ZNF831: variants seen among roughly 807,000 people sequenced by gnomAD.
ZNF831 encodes zinc finger protein 831, also known as chromosome 20 open reading frame 174.
A neutral mutation model predicts 95.8 loss-of-function variants in ZNF831; 59 were observed. That is an observed-to-expected ratio of 0.62 (90% CI 0.50 to 0.77). The LOEUF is 0.77. Among genes scored for constraint, ZNF831 ranks in the 30% least tolerant of loss-of-function variants. The pLI is 0.00. For missense variants in ZNF831, 2,205 were observed against 2,164.0 expected (o/e 1.02, Z -0.38); for synonymous variants, 961 against 925.5 (o/e 1.04, Z -0.70).
chr20:59,171,170 G>T (rs993681375), intron 1 of ZNF831, among the ~76,000 whole-genome samples: 1 of 152,186 alleles, frequency 6.6e-6, no homozygotes, highest in Non-Finnish European at 1.5e-5. Context: ...GAACTCCATG[G>T]CATGTCCTCA....
chr20:59,164,821 G>A (rs963210675), intron 1 of ZNF831, among the ~76,000 whole-genome samples: 2 of 152,168 alleles, frequency 1.3e-5, no homozygotes, highest in African/African-American at 4.8e-5. Context: ...AGCCATGGAA[G>A]CCATGCTCTG....
intron 4 of ZNF831, among the ~76,000 whole-genome samples, chr20:59,213,074 G>T (rs1207066960): frequency 1.3e-5 from 2 of 152,202 alleles, no homozygotes; most frequent in African/African-American, 4.8e-5. Context: ...AGGCTTAAGA[G>T]AAGTCTTTGG....
rs769023043 is a variant in ZNF831 at position 59,193,883 on chromosome 20, C to G, written c.2864C>G (p.Pro955Arg). 1.2e-6 allele frequency: 2 copies of G among 1,609,644 alleles called. No homozygotes were observed. Among genetic ancestry groups the G allele is most frequent in the Non-Finnish European group, 1.7e-6 (2 of 1,177,904 alleles). The change falls in exon 2 of 6, where the codon CCC (proline) becomes CGC (arginine). Residue 955 changes from proline (P) to arginine (R), a missense_variant. Pro to Arg is a moderately radical substitution (Grantham distance 103). Coordinates refer to ENST00000371030, the MANE Select transcript of ZNF831 (RefSeq NM_178457.3). ...CAGGCAGAGACCCCCTTACCACTGC[C>G]CATTCCCTGGGGACCAAGGCACAGC... ...LPQAETPLPL[P>R]IPWGPRHSQD...
Position 59,192,006 on chromosome 20 carries a change from C to G in ZNF831, c.987C>G (p.Ala329=), listed in dbSNP as rs1436149568. 1 of 1,608,554 alleles carries G rather than the reference C, an allele frequency of 6.2e-7. No homozygotes were observed. The highest frequency in any genetic ancestry group is 1.1e-5 in the South Asian group (1 of 90,904). ...QATAAEKPWD[A]KAPEGRLRKC... ...CGGCAGCGGAGAAGCCCTGGGATGC[C>G]AAGGCCCCCGAGGGCCGGCTGCGGA... Residue 329 remains alanine (A), a synonymous_variant, in exon 2 of 6, where the codon GCC becomes GCG. Coordinates refer to ENST00000371030, the MANE Select transcript of ZNF831 (RefSeq NM_178457.3). This position sits in a 1 kb window ranked among gnomAD's most constrained non-coding sequence, Gnocchi z 5.2.
intron 2 of ZNF831, among the ~76,000 whole-genome samples, chr20:59,155,921 T>C (rs971411452): frequency 2.6e-5 from 4 of 151,986 alleles, no homozygotes; most frequent in African/African-American, 9.7e-5. Context: ...AGGTACATGA[T>C]GAGTTGTGTG....
chr20:59,241,627 T>A (rs927000122), intron 4 of ZNF831, among the ~76,000 whole-genome samples: 4 of 152,218 alleles, frequency 2.6e-5, no homozygotes, highest in Non-Finnish European at 5.9e-5. Flanking sequence ...TTTCTGTATG[T>A]GAAAGTTTTT....
Position 59,215,368 on chromosome 20 carries a change from C to T in ZNF831, c.4027+8312C>T, listed in dbSNP as rs768954624. ...TGATTGAGGGAGATGTTTTATTGAA[C>T]GATAAGAACTACATTGAGTTTATGG... On this transcript the variant is annotated intron_variant, in intron 4 of 5. Transcript: ENST00000371030. Among the ~76,000 whole-genome samples, 23 of 152,272 alleles carry T rather than the reference C, an allele frequency of 1.5e-4. No individual in the cohort carries two copies. In the East Asian group the frequency reaches 2.3e-3, roughly 15 times the overall value.
chr20:59,249,422 C>A (rs1034502437), intron 4 of ZNF831, among the ~76,000 whole-genome samples: 7 of 152,176 alleles, frequency 4.6e-5, no homozygotes, highest in African/African-American at 1.7e-4. Context: ...GACCCCATCA[C>A]AATAGGCGTC....
chr20:59,199,186 T>C (rs1984357164), intron 3 of ZNF831, among the ~76,000 whole-genome samples: 1 of 151,876 alleles, frequency 6.6e-6, no homozygotes. Context: ...TCTTGATTCA[T>C]TTTCCCACTT....
intron 2 of ZNF831, among the ~76,000 whole-genome samples, chr20:59,155,933 T>C (rs1185179728): frequency 6.6e-6 from 1 of 151,228 alleles, no homozygotes; most frequent in Non-Finnish European, 1.5e-5. Flanking sequence ...AGTTGTGTGC[T>C]CCCCCTCATG....
At chr20:59,221,283 G>A (rs1284901477) in intron 4 of ZNF831, among the ~76,000 whole-genome samples, 3 of 152,194 alleles carry the variant, frequency 2.0e-5, no homozygotes, top group African/African-American at 7.2e-5. Context: ...CTGGGCCCTT[G>A]AGTTTGTGCT....
rs2146592324 is a variant in ZNF831, at chr20:59,193,979, C to G, written c.2960C>G (p.Pro987Arg). 6.5e-7 allele frequency: 1 copy of G among 1,537,426 alleles called. No homozygotes were observed. The highest frequency in any genetic ancestry group is 2.3e-5 in the East Asian group (1 of 44,256). Residue 987 changes from proline to arginine, a missense_variant, in exon 2 of 6, where the codon CCT becomes CGT. Transcript: ENST00000371030. Reference protein sequence around the residue: ...ASFVGSGLGTPLSPSPASGPS... With the variant: ...ASFVGSGLGTRLSPSPASGPS... The stretch of plus-strand genomic sequence containing the variant: ...TTTGTTGGGTCAGGACTGGGGACCC[C>G]TCTTTCTCCCAGCCCAGCCTCAGGC...
At chr20:59,220,066 A>G (rs773111584) in intron 4 of ZNF831, among the ~76,000 whole-genome samples, 11 of 152,204 alleles carry the variant, frequency 7.2e-5, no homozygotes, top group Non-Finnish European at 1.2e-4. Context: ...CACACCTGAA[A>G]TGGGGACGGT....
At position 59,258,534 on chromosome 20, in the gene ZNF831, A is replaced by G. The variant is rs750308582; in HGVS notation, c.*3791A>G. Reference sequence around the variant, plus strand: ...CATTATCGGAATGTGCTGCTGCTCAACTCCCCAGACATAATTTAATATGGT... The same window carrying G: ...CATTATCGGAATGTGCTGCTGCTCAGCTCCCCAGACATAATTTAATATGGT... On this transcript the variant is annotated 3_prime_UTR_variant, in exon 6 of 6. Coordinates refer to ENST00000371030, the MANE Select transcript of ZNF831 (RefSeq NM_178457.3). 1 of 152,610 alleles carries G rather than the reference A, an allele frequency of 6.6e-6. No homozygotes were observed. Among genetic ancestry groups the G allele is most frequent in the South Asian group, 2.1e-4 (1 of 4,810 alleles). The allele number at this position is 152,610 out of a possible 1,614,324, so 9.5% of individuals were successfully genotyped here. A position where few individuals can be genotyped will look rare whatever the true frequency, so the allele number is the denominator to read the frequency against.
rs763896688 is a variant in ZNF831 at position 59,253,930 on chromosome 20, CTG to C, written c.4223_4224del (p.Cys1408TyrfsTer16). ...ISPSAGEHGD[C>X]TTHSTAATSG... ...CTCCATCTGCTGGTGAGCATGGTGA[CTG>C]TACTACTCACAGCACTGCTGCCACA... is the stretch of plus-strand genomic sequence containing the variant. On this transcript the variant is annotated frameshift_variant, in exon 6 of 6. Transcript: ENST00000371030. LOFTEE classifies it low-confidence loss of function (END_TRUNC). 1 of 1,461,082 alleles carries C rather than the reference CTG, an allele frequency of 6.8e-7. No homozygotes were observed. Among genetic ancestry groups the C allele is most frequent in the Non-Finnish European group, 9.1e-7 (1 of 1,096,872 alleles). The allele number at this position is 1,461,082 out of a possible 1,614,324, so 90.5% of individuals were successfully genotyped here.
At chr20:59,250,878 A>C (rs920995794) in intron 4 of ZNF831, among the ~76,000 whole-genome samples, 19 of 152,324 alleles carry the variant, frequency 1.2e-4, no homozygotes, top group African/African-American at 4.6e-4. Context: ...GAAAAATAGA[A>C]GATTATACTA....
intron 4 of ZNF831, among the ~76,000 whole-genome samples, chr20:59,210,537 G>A (rs576492972): frequency 2.0e-4 from 30 of 152,312 alleles, no homozygotes; most frequent in Admixed American, 1.5e-3. Context: ...AGTTCCCAAC[G>A]TGTTCCATGG....
chr20:59,254,638 T>G lies in ZNF831; in HGVS notation c.4929T>G (p.Ser1643=). 1 of 1,614,064 alleles carries G rather than the reference T, an allele frequency of 6.2e-7. No homozygotes were observed. The highest frequency in any genetic ancestry group is 8.5e-7 in the Non-Finnish European group (1 of 1,180,032). Residue 1643 remains serine, a synonymous_variant, in exon 6 of 6, where the codon TCT becomes TCG. Coordinates refer to ENST00000371030, the MANE Select transcript of ZNF831 (RefSeq NM_178457.3). The surrounding 1 kb of genome is among the most constrained non-coding windows in gnomAD (Gnocchi z 4.5). ...EQPIEIPEAP[S]KSLKKRSLEG... The stretch of plus-strand genomic sequence containing the variant: ...CCATAGAAATTCCTGAAGCCCCTTC[T>G]AAATCCCTCAAGAAGAGGAGTCTGG...
At chr20:59,236,739 T>C (rs1244622374) in intron 4 of ZNF831, among the ~76,000 whole-genome samples, 4 of 152,134 alleles carry the variant, frequency 2.6e-5, no homozygotes, top group African/African-American at 9.7e-5. Flanking sequence ...ATGACAAAGA[T>C]GTTTTTTGTG....
Sources: allele counts gnomAD v4.1 joint callset (sites outside exome capture counted in the v4.1 genomes callset), GRCh38; gene constraint gnomAD v4.1.1; non-coding constraint Gnocchi (gnomAD v3.1); transcripts MANE v1.5; gene names NCBI Gene and HGNC (gene_info 2026-07-23, HGNC 2026-07-21).